Variants in TGFB1 observed in about 807,000 individuals in gnomAD.
TGFB1 encodes transforming growth factor beta 1, also known as transforming growth factor beta-1 proprotein.
Under a neutral mutation model 43.8 loss-of-function variants are expected in TGFB1, and 19 were observed. The ratio of observed to expected loss-of-function variants is 0.43; its 90% confidence interval spans 0.30 to 0.64. The LOEUF is 0.64. Ranked by LOEUF, TGFB1 falls within the 30% of genes least tolerant of loss-of-function variation. TGFB1 has a pLI of 0.11. For missense variants in TGFB1, 445 were observed against 529.8 expected (o/e 0.84, Z 1.57); for synonymous variants, 221 against 236.3 (o/e 0.94, Z 0.60).
rs781056172 is a variant in TGFB1, at chr19:41,352,687, C to T, written c.355+3G>A. ...CCCGGCTCCCCTGCCCCTCCGAGCT[C>T]ACCGTTGTGGGTTTCCACCATTAGC... On this transcript the variant is annotated splice_donor_region_variant and intron_variant, in intron 1 of 6. Transcript: ENST00000221930. The T allele has an allele frequency of 1.5e-5, 25 of 1,613,128 alleles. No individual in the cohort carries two copies. The highest frequency in any genetic ancestry group is 2.2e-5 in the East Asian group (1 of 44,828).
At chr19:41,332,420 G>C (rs1282967233) in intron 5 of TGFB1, 139 bp from the exon 6 acceptor site, 2 of 905,810 alleles carry the variant, frequency 2.2e-6, no homozygotes, top group Non-Finnish European at 3.3e-6. Context: ...TGCACCCACT[G>C]TGTTAATAAC....
intron 1 of TGFB1, chr19:41,351,116 C>T (rs1257502131): frequency 6.6e-6 from 1 of 152,452 alleles, no homozygotes; most frequent in Non-Finnish European, 1.5e-5. Flanking sequence ...CGAGACGAGA[C>T]ACATGTGCAT....
At chr19:41,341,811 T>C in intron 5 of TGFB1, 72 bp downstream of exon 5, 1 of 1,602,550 alleles carries the variant, frequency 6.2e-7, no homozygotes, top group South Asian at 1.1e-5. Context: ...GTGTCCAACC[T>C]GGAGCACCTG....
intron 1 of TGFB1, among the ~76,000 whole-genome samples, chr19:41,350,313 T>C (rs1359603284): frequency 4.0e-5 from 6 of 149,136 alleles, no homozygotes; most frequent in South Asian, 4.2e-4. Flanking sequence ...TTTTCTTTTT[T>C]TTTTTTTTTT....
At chr19:41,348,575 T>TTTTATTTATTTATTTA (rs59416536) in intron 1 of TGFB1, 120 bp from the exon 2 acceptor site, 2 of 286,100 alleles carry the variant, frequency 7.0e-6, no homozygotes, top group African/African-American at 2.5e-5. Context: ...CTCTGATACC[T>TTTTATTTATTTATTTA]TTTATTTATT....
At chr19:41,341,699 C>T (rs556492008) in intron 5 of TGFB1, among the ~76,000 whole-genome samples, 184 bp downstream of exon 5, 11 of 152,108 alleles carry the variant, frequency 7.2e-5, no homozygotes, top group East Asian at 5.8e-4. Flanking sequence ...CGTGAGCCAC[C>T]GCACCTGGCA....
At position 41,331,194 on chromosome 19, in the gene TGFB1, T is replaced by C; in HGVS notation, c.1031A>G (p.Asn344Ser). The C allele has an allele frequency of 1.3e-6, 2 of 1,539,980 alleles. No individual in the cohort carries two copies. The change falls in exon 7 of 7, where the codon AAC becomes AGC. Residue 344 changes from asparagine to serine, a missense_variant. Transcript: ENST00000221930. ...CGCCGAGGCGCCCGGGTTATGCTGG[T>C]TGTACAGGGCCAGGACCTGCGGGCG... is the stretch of plus-strand genomic sequence containing the variant. ...TQYSKVLALY[N>S]QHNPGASAAP...
chr19:41,331,929 C>T, intron 6 of TGFB1, 199 bp downstream of exon 6: 1 of 664,632 alleles, frequency 1.5e-6, no homozygotes, highest in Non-Finnish European at 2.5e-6. Flanking sequence ...AGCTCATCTC[C>T]CTCTGGCCCC....
At chr19:41,349,789 C>T (rs1008597612) in intron 1 of TGFB1, among the ~76,000 whole-genome samples, 11 of 151,938 alleles carry the variant, frequency 7.2e-5, no homozygotes, top group African/African-American at 1.2e-4. Context: ...CACAAAACAG[C>T]GCTATTTACC....
At position 41,351,887 on chromosome 19, in the gene TGFB1, C is replaced by A. The variant is rs79811788; in HGVS notation, c.355+803G>T. 8.4e-3 allele frequency among the ~76,000 whole-genome samples: 1,272 copies of A among 152,022 alleles called. 16 individuals carry two copies. The highest frequency in any genetic ancestry group is 0.029 in the African/African-American group (1,209 of 41,430). On this transcript the variant is annotated intron_variant, in intron 1 of 6. Transcript: ENST00000221930. ...GCCTGTCTCCCCTCTCGGTAAAGCC[C>A]TTCCCATGACCCAGGACTCTAGGTC...
At chr19:41,347,827 CAAAAAAAAAAAAAA>C (rs58257608) in intron 2 of TGFB1, among the ~76,000 whole-genome samples, 1 of 65,688 alleles carries the variant, frequency 1.5e-5, no homozygotes, top group Non-Finnish European at 2.9e-5. Flanking sequence ...GACTCCATCT[CAAAAAAAAAAAAAA>C]AAAAAAAAGA....
chr19:41,352,631 C>T, intron 1 of TGFB1, 59 bp downstream of exon 1: 5 of 1,588,562 alleles, frequency 3.1e-6, no homozygotes, highest in Non-Finnish European at 3.4e-6. Context: ...CCCGTGGCCC[C>T]GGCACTCCGG....
At chr19:41,343,386 G>A (rs1220476775) in intron 3 of TGFB1, among the ~76,000 whole-genome samples, 2 of 151,978 alleles carry the variant, frequency 1.3e-5, no homozygotes, top group South Asian at 2.1e-4. Context: ...CACCCACCTC[G>A]GCCTCTCAAA....
Position 41,348,382 on chromosome 19 carries a change from C to T in TGFB1, c.429G>A (p.Ala143=), listed in dbSNP as rs1232906052. The T allele has an allele frequency of 1.3e-5, 21 of 1,613,410 alleles. No individual in the cohort carries two copies. Among genetic ancestry groups the T allele is most frequent in the Non-Finnish European group, 1.7e-5 (20 of 1,179,786 alleles). The change falls in exon 2 of 7, where the codon GCG becomes GCA. Residue 143 remains alanine, a synonymous_variant. Transcript: ENST00000221930. The part of the protein sequence containing the change: ...MFFNTSELRE[A]VPEPVLLSRA... ...GGGAGAGCAACACGGGTTCAGGTAC[C>T]GCTTCTCGGAGCTCTGATGTGTTGA... is the stretch of plus-strand genomic sequence containing the variant.
intron 2 of TGFB1, among the ~76,000 whole-genome samples, chr19:41,347,758 G>A (rs1158809311): frequency 1.3e-5 from 2 of 149,720 alleles, no homozygotes; most frequent in Non-Finnish European, 1.5e-5. Flanking sequence ...AACCCAGGAG[G>A]CGGAGGTTGC....
At chr19:41,342,278 G>GA (rs2038066240) in intron 3 of TGFB1, 31 bp from the exon 4 acceptor site, 1 of 1,567,266 alleles carries the variant, frequency 6.4e-7, no homozygotes, top group East Asian at 2.4e-5. Flanking sequence ...AAGCCAGTCT[G>GA]AGAGTGCAGC....
At chr19:41,338,819 A>T (rs2038019888) in intron 5 of TGFB1, among the ~76,000 whole-genome samples, 1 of 151,714 alleles carries the variant, frequency 6.6e-6, no homozygotes, top group Non-Finnish European at 1.5e-5. Flanking sequence ...AGCCTGAATG[A>T]CAGAGACTCT....
In TGFB1 at chr19:41,345,137, G is replaced by A. The variant is rs11466328; in HGVS notation, c.517-273C>T. Among the ~76,000 whole-genome samples the A allele has an allele frequency of 0.019, 2,931 of 152,310 alleles. 49 individuals are homozygous for A. The highest frequency in any genetic ancestry group is 0.028 in the Non-Finnish European group (1,918 of 68,036). On this transcript the variant is annotated intron_variant, in intron 2 of 6. Transcript: ENST00000221930. ...GTGTTTTCTTGCCTTCTCGAGGCCT[G>A]TTTCCTCATTGGTGAAATGCTAAGC...
At chr19:41,348,194 C>T (rs1276467588) in intron 2 of TGFB1, 101 bp downstream of exon 2, 2 of 1,348,890 alleles carry the variant, frequency 1.5e-6, no homozygotes, top group Non-Finnish European at 2.1e-6. Flanking sequence ...CAGGGACCAT[C>T]TAGGTGGACC....
Sources: allele counts gnomAD v4.1 joint callset (sites outside exome capture counted in the v4.1 genomes callset), GRCh38; gene constraint gnomAD v4.1.1; transcripts MANE v1.5; gene names NCBI Gene and HGNC (gene_info 2026-07-23, HGNC 2026-07-21).